The following KCNB2 variants were observed in gnomAD, a reference collection of about 807,000 sequenced individuals.
The protein encoded by KCNB2 is delayed rectifier potassium channel protein.
A neutral mutation model predicts 61.5 loss-of-function variants in KCNB2; 15 were observed. The observed-to-expected ratio is 0.24, with a 90% CI of 0.16 to 0.38. The LOEUF (loss-of-function observed/expected upper bound fraction) is 0.38, where lower values mean the gene tolerates loss of function less well. KCNB2 is among the 10% of genes least tolerant of loss of function. The pLI, the probability that KCNB2 is intolerant of heterozygous loss-of-function variation, is 1.00. For missense variants in KCNB2, 828 were observed against 1,125.2 expected (o/e 0.74, Z 3.78); for synonymous variants, 457 against 446.0 (o/e 1.02, Z -0.31).
At chr8:72,594,533 G>T (rs1242359951) in intron 2 of KCNB2, among the ~76,000 whole-genome samples, 1 of 152,164 alleles carries the variant, frequency 6.6e-6, no homozygotes, top group African/African-American at 2.4e-5. Flanking sequence ...AGGAAGCAGA[G>T]TACTTTATTT....
intron 2 of KCNB2, among the ~76,000 whole-genome samples, chr8:72,658,703 G>A (rs1295529140): frequency 1.3e-5 from 2 of 152,182 alleles, no homozygotes; most frequent in Non-Finnish European, 2.9e-5. Flanking sequence ...GGTTAATATA[G>A]CTGGTGACTT....
intron 2 of KCNB2, chr8:72,751,518 C>T (rs552011295): frequency 3.3e-5 from 5 of 152,096 alleles, no homozygotes. Context: ...TAACAGGAAC[C>T]TTCTGGAAAC....
intron 1 of KCNB2, among the ~76,000 whole-genome samples, chr8:72,565,902 GAGA>G (rs1338406964): frequency 2.6e-5 from 4 of 152,170 alleles, no homozygotes; most frequent in African/African-American, 7.2e-5. Flanking sequence ...TGTAATAATA[GAGA>G]AGATGTTCTT....
At chr8:72,858,191 G>A (rs1470552380) in intron 2 of KCNB2, among the ~76,000 whole-genome samples, 1 of 152,042 alleles carries the variant, frequency 6.6e-6, no homozygotes, top group African/African-American at 2.4e-5. Context: ...AGACAGAATG[G>A]TAACACATAA....
At chr8:72,884,356 G>C (rs1805768433) in intron 2 of KCNB2, among the ~76,000 whole-genome samples, 1 of 151,686 alleles carries the variant, frequency 6.6e-6, no homozygotes, top group African/African-American at 2.4e-5. Flanking sequence ...ACTTCTCCCA[G>C]TGTGTGTGTG....
intron 2 of KCNB2, among the ~76,000 whole-genome samples, chr8:72,672,342 G>C (rs1225474343): frequency 6.6e-6 from 1 of 152,100 alleles, no homozygotes; most frequent in East Asian, 1.9e-4. Flanking sequence ...ATTTCCCTCA[G>C]GTTAATTAAT....
At chr8:72,786,299 TC>T (rs980719807) in intron 2 of KCNB2, among the ~76,000 whole-genome samples, 58 of 152,294 alleles carry the variant, frequency 3.8e-4, no homozygotes, top group African/African-American at 1.3e-3. Context: ...ATGACAAATC[TC>T]TTATTAGCCA....
intron 2 of KCNB2, among the ~76,000 whole-genome samples, chr8:72,844,808 C>G (rs1399979339): frequency 6.6e-6 from 1 of 152,202 alleles, no homozygotes; most frequent in African/African-American, 2.4e-5. Flanking sequence ...ATGTTCTTCT[C>G]TAAACTGGTT....
intron 2 of KCNB2, among the ~76,000 whole-genome samples, chr8:72,740,118 A>G (rs1005191140): frequency 1.3e-5 from 2 of 152,160 alleles, no homozygotes; most frequent in Non-Finnish European, 2.9e-5. Context: ...CTTCTTTCTA[A>G]ATTTGCTTGA....
intron 2 of KCNB2, among the ~76,000 whole-genome samples, chr8:72,593,094 T>G (rs78802251): frequency 6.6e-6 from 1 of 152,174 alleles, no homozygotes; most frequent in Non-Finnish European, 1.5e-5. Context: ...TTTGATTACA[T>G]TGAGTATTTG....
intron 2 of KCNB2, among the ~76,000 whole-genome samples, chr8:72,732,648 G>A (rs1415616018): frequency 6.6e-6 from 1 of 152,206 alleles, no homozygotes; most frequent in African/African-American, 2.4e-5. Flanking sequence ...AGCCATTGCT[G>A]GTGATCCTGT....
At chr8:72,714,271 C>G (rs1011889070) in intron 2 of KCNB2, among the ~76,000 whole-genome samples, 3 of 152,124 alleles carry the variant, frequency 2.0e-5, no homozygotes, top group Admixed American at 6.5e-5. Flanking sequence ...CCCAATCTAG[C>G]AAGGCAGGCC....
At chr8:72,589,041 G>A (rs541844420) in intron 2 of KCNB2, among the ~76,000 whole-genome samples, 2 of 152,172 alleles carry the variant, frequency 1.3e-5, no homozygotes, top group Non-Finnish European at 2.9e-5. Context: ...CACTCAGGCA[G>A]CAGTACAAAA....
At chr8:72,800,161 A>G (rs1349155932) in intron 2 of KCNB2, among the ~76,000 whole-genome samples, 3 of 152,196 alleles carry the variant, frequency 2.0e-5, no homozygotes, top group African/African-American at 4.8e-5. Context: ...CATGAAATAC[A>G]TACGTGTGTA....
At chr8:72,817,068 GAAAAGAA>G (rs1175861509) in intron 2 of KCNB2, among the ~76,000 whole-genome samples, 1 of 152,150 alleles carries the variant, frequency 6.6e-6, no homozygotes, top group Non-Finnish European at 1.5e-5. Flanking sequence ...TTAGGTACTG[GAAAAGAA>G]AACAGCCTTT....
Position 72,838,055 on chromosome 8 carries a change from T to A in KCNB2, c.580-97880T>A, listed in dbSNP as rs561634246. Among the ~76,000 whole-genome samples the A allele has an allele frequency of 2.0e-5, 3 of 152,308 alleles. No individual in the cohort carries two copies. The South Asian group carries it at 6.2e-4, about 32-fold the overall frequency. On this transcript the variant is annotated intron_variant, in intron 2 of 2. Coordinates refer to ENST00000523207, the MANE Select transcript of KCNB2 (RefSeq NM_004770.3). ...AGGAAAGTACTCATCATTCATATTCTCTTAAAATATTCATTAACAAAGTAT... is the reference window on the plus strand; with the variant it reads ...AGGAAAGTACTCATCATTCATATTCACTTAAAATATTCATTAACAAAGTAT...
At position 72,704,071 on chromosome 8, in the gene KCNB2, A is replaced by G. The variant is rs139258989; in HGVS notation, c.579+135758A>G. ...TCCCACACGTAAATCTCACAGCTCAAAATTTATTCTTGGATAATGTCAGTG... is the reference window on the plus strand; with the variant it reads ...TCCCACACGTAAATCTCACAGCTCAGAATTTATTCTTGGATAATGTCAGTG... On this transcript the variant is annotated intron_variant, in intron 2 of 2. Coordinates refer to ENST00000523207, the MANE Select transcript of KCNB2 (RefSeq NM_004770.3). Among the ~76,000 whole-genome samples, 481 of 152,292 alleles carry G rather than the reference A, an allele frequency of 3.2e-3. 3 individuals are homozygous for G. Among genetic ancestry groups the G allele is most frequent in the African/African-American group, 0.011 (455 of 41,572 alleles).
intron 2 of KCNB2, among the ~76,000 whole-genome samples, chr8:72,590,618 A>G (rs796521866): frequency 2.4e-4 from 36 of 152,328 alleles, no homozygotes; most frequent in African/African-American, 8.4e-4. Flanking sequence ...ATTTGGGTCA[A>G]ATCATTCCTG....
intron 2 of KCNB2, among the ~76,000 whole-genome samples, chr8:72,915,914 G>A (rs1806390118): frequency 2.6e-5 from 4 of 152,092 alleles, no homozygotes; most frequent in East Asian, 1.9e-4. Flanking sequence ...GTAAGAATCC[G>A]TCTCAAAAAG....
Sources: gnomAD v4.1 joint callset for allele counts (sites outside exome capture counted in the v4.1 genomes callset) on GRCh38, gnomAD v4.1.1 for gene constraint, MANE v1.5 for transcripts, NCBI Gene and HGNC (gene_info 2026-07-23, HGNC 2026-07-21) for gene names.